AFDN: variants seen among roughly 807,000 people sequenced by gnomAD.
The protein encoded by AFDN is afadin.
A neutral mutation model predicts 216.6 loss-of-function variants in AFDN; 68 were observed. The ratio of observed to expected loss-of-function variants is 0.31; its 90% CI spans 0.26 to 0.38. The LOEUF (loss-of-function observed/expected upper bound fraction) is 0.38, where lower values mean the gene tolerates loss of function less well. AFDN is among the 10% of genes least tolerant of loss of function. AFDN has a pLI of 1.00. For synonymous variants in AFDN, 868 were observed against 853.7 expected, an observed-to-expected ratio of 1.02 and a Z score of -0.29; for missense variants, 2,136 against 2,342.0, an observed-to-expected ratio of 0.91 and a Z score of 1.82.
chr6:167,828,093 C>T (rs947648523), intron 1 of AFDN, among the ~76,000 whole-genome samples: 4 of 152,152 alleles, frequency 2.6e-5, no homozygotes, highest in African/African-American at 7.2e-5. Context: ...GGGTCGGTTC[C>T]GCGCTCTGTT....
intron 30 of AFDN, 66 bp downstream of exon 30, chr6:167,952,253 A>T: frequency 6.2e-7 from 1 of 1,611,414 alleles, no homozygotes; most frequent in Non-Finnish European, 8.5e-7. Flanking sequence ...CGTGTTTCCC[A>T]TGGGGATAGC....
chr6:167,946,262 T>C (rs1312731466), intron 26 of AFDN, among the ~76,000 whole-genome samples: 1 of 152,114 alleles, frequency 6.6e-6, no homozygotes, highest in African/African-American at 2.4e-5. Context: ...TAAACCAGGG[T>C]GAGCAAGCAA....
Position 167,915,316 on chromosome 6 carries a change from G to A in AFDN, c.2448G>A (p.Gly816=). ...GATTGGTGACCGACCCAGATTCGGG[G>A]CTGTGCTCCCATTACTGGGGTGCGA... The part of the protein sequence containing the change: ...FNRLVTDPDS[G]LCSHYWGAII... Residue 816 remains glycine (G), a synonymous_variant, in exon 19 of 34, where the codon GGG becomes GGA. Coordinates refer to ENST00000683244, the MANE Select transcript of AFDN (RefSeq NM_001386888.1). 1 of 1,614,248 alleles carries A rather than the reference G, an allele frequency of 6.2e-7. No individual in the cohort carries two copies. Among genetic ancestry groups the A allele is most frequent in the Non-Finnish European group, 8.5e-7 (1 of 1,180,046 alleles).
chr6:167,847,360 A>T (rs1339118613), intron 1 of AFDN, among the ~76,000 whole-genome samples: 1 of 152,158 alleles, frequency 6.6e-6, no homozygotes, highest in East Asian at 1.9e-4. Context: ...TCTGAACTTC[A>T]GCCCCATATA....
At chr6:167,943,372 A>G in intron 24 of AFDN, 30 bp from the exon 25 acceptor site, 1 of 1,604,006 alleles carries the variant, frequency 6.2e-7, no homozygotes, top group Non-Finnish European at 8.5e-7. Flanking sequence ...TCTACCCCTA[A>G]TCCATGCACA....
At chr6:167,850,052 G>A (rs932302448) in intron 1 of AFDN, among the ~76,000 whole-genome samples, 1 of 152,140 alleles carries the variant, frequency 6.6e-6, no homozygotes, top group African/African-American at 2.4e-5. Context: ...GAAACTGGAA[G>A]GGTAGGCAGG....
In AFDN at chr6:167,868,365, G is replaced by A. The variant is rs144769263; in HGVS notation, c.302-2021G>A. 1.4e-4 allele frequency among the ~76,000 whole-genome samples: 21 copies of A among 152,304 alleles called. 1 individual carries two copies. In the East Asian group the frequency reaches 4.1e-3, roughly 29 times the overall value. ...GTTTCAGATCAGCCTGGGCAACATAGTGAGACCCTCATCTGGAATCAAATT... is the reference window on the plus strand; with the variant it reads ...GTTTCAGATCAGCCTGGGCAACATAATGAGACCCTCATCTGGAATCAAATT... On this transcript the variant is annotated intron_variant, in intron 2 of 33. Transcript: ENST00000683244.
intron 2 of AFDN, among the ~76,000 whole-genome samples, chr6:167,868,400 A>G (rs1258735609): frequency 6.6e-6 from 1 of 152,186 alleles, no homozygotes; most frequent in African/African-American, 2.4e-5. Flanking sequence ...TTTATAGTAA[A>G]TGCTGACAGC....
chr6:167,934,089 C>T (rs779082877), intron 23 of AFDN, among the ~76,000 whole-genome samples: 13 of 152,336 alleles, frequency 8.5e-5, no homozygotes, highest in Middle Eastern at 6.8e-3. Flanking sequence ...GTGCACTCTA[C>T]CCTGGTGAAA....
chr6:167,832,128 T>G (rs1375294853), intron 1 of AFDN, among the ~76,000 whole-genome samples: 1 of 152,216 alleles, frequency 6.6e-6, no homozygotes, highest in Non-Finnish European at 1.5e-5. Context: ...TGTAGATACT[T>G]AAGACAGAGA....
intron 1 of AFDN, among the ~76,000 whole-genome samples, chr6:167,855,998 G>A (rs576727285): frequency 7.9e-5 from 12 of 152,216 alleles, no homozygotes; most frequent in Admixed American, 1.3e-4. Context: ...AATATGTTTC[G>A]AATTGCATGA....
Position 167,925,022 on chromosome 6 carries a change from A to C in AFDN, c.3030A>C (p.Lys1010Asn). The change falls in exon 23 of 34, where the codon AAA becomes AAC. Residue 1010 changes from lysine to asparagine, a missense_variant. Around this residue, in one of 8 missense-constraint regions of AFDN, gnomAD observed 12 missense variants for 35.6 expected, o/e 0.34. Coordinates refer to ENST00000683244, the MANE Select transcript of AFDN (RefSeq NM_001386888.1). ...ENTELAQPLR[K>N]EPEIITVTLK... is the part of the protein sequence containing the mutation. ...TCCTTTAGGCTCAGCCTCTGAGGAA[A>C]GAACCTGAAATAATCACTGTGACCC... 1 of 1,613,592 alleles carries C rather than the reference A, an allele frequency of 6.2e-7. No homozygotes were observed. Among genetic ancestry groups the C allele is most frequent in the Non-Finnish European group, 8.5e-7 (1 of 1,179,484 alleles).
intron 29 of AFDN, among the ~76,000 whole-genome samples, chr6:167,950,179 A>T (rs1179882558): frequency 2.0e-5 from 3 of 152,190 alleles, no homozygotes; most frequent in South Asian, 4.1e-4. Flanking sequence ...TTTTGAAGTG[A>T]TACTTCATCT....
chr6:167,912,732 A>G (rs1790561486), intron 15 of AFDN, among the ~76,000 whole-genome samples: 1 of 152,148 alleles, frequency 6.6e-6, no homozygotes, highest in Non-Finnish European at 1.5e-5. Context: ...CCTTTTCCTT[A>G]TTGATGTGAA....
intron 30 of AFDN, among the ~76,000 whole-genome samples, chr6:167,960,552 G>C (rs1440800801): frequency 6.6e-6 from 1 of 152,162 alleles, no homozygotes; most frequent in Non-Finnish European, 1.5e-5. Context: ...TAAGGAAAAG[G>C]CCCATATTGC....
chr6:167,916,888 A>C (rs548228625), intron 19 of AFDN, among the ~76,000 whole-genome samples: 3 of 152,318 alleles, frequency 2.0e-5, no homozygotes, highest in African/African-American at 7.2e-5. Context: ...AGGGCATCTA[A>C]AAAGATGCCC....
At chr6:167,923,753 G>A (rs1218576254) in intron 22 of AFDN, among the ~76,000 whole-genome samples, 1 of 150,808 alleles carries the variant, frequency 6.6e-6, no homozygotes, top group African/African-American at 2.4e-5. Context: ...CCTCCCAGTA[G>A]CTGGGATTAC....
At chr6:167,936,669 A>C (rs994738932) in intron 23 of AFDN, among the ~76,000 whole-genome samples, 1 of 152,146 alleles carries the variant, frequency 6.6e-6, no homozygotes, top group African/African-American at 2.4e-5. Flanking sequence ...ATGGCTCGAC[A>C]GACGACAGTT....
Position 167,962,363 on chromosome 6 carries a change from TTA to T in AFDN, c.4834-69_4834-68del, listed in dbSNP as rs1407962038. On this transcript the variant is annotated intron_variant, in intron 30 of 33. Transcript: ENST00000683244. The surrounding 1 kb of genome is among the most constrained non-coding windows in gnomAD (Gnocchi z 5.2). ...TTGTGTATATGTGTGTCTACTTGTC[TTA>T]ATGTGTGCATTTTATGTCTTGTGCT... 50 of 1,601,156 alleles carry T rather than the reference TTA, an allele frequency of 3.1e-5. No homozygotes were observed. Among genetic ancestry groups the T allele is most frequent in the Non-Finnish European group, 4.2e-5 (49 of 1,172,794 alleles).
Sources: gnomAD v4.1 joint callset for allele counts (sites outside exome capture counted in the v4.1 genomes callset) on GRCh38, gnomAD v4.1.1 for gene constraint, gnomAD v4.1.1 regional missense constraint, Gnocchi (gnomAD v3.1) non-coding constraint, MANE v1.5 for transcripts, NCBI Gene and HGNC (gene_info 2026-07-23, HGNC 2026-07-21) for gene names.